The following TBC1D9 variants were observed in gnomAD, a reference collection of about 807,000 sequenced individuals.
The protein encoded by TBC1D9 is TBC1 domain family member 9A.
In TBC1D9, 63 loss-of-function variants were observed where a neutral mutation model predicts 132.0. The observed-to-expected ratio is 0.48, with a 90% CI of 0.39 to 0.59. TBC1D9 has a LOEUF of 0.59. Among genes scored for constraint, TBC1D9 ranks in the 20% least tolerant of loss-of-function variants. The probability of loss-of-function intolerance (pLI) is 0.00; values close to 1 mark genes in which losing one functional copy is unlikely to be tolerated. For missense variants in TBC1D9, 1,261 were observed against 1,592.7 expected, an observed-to-expected ratio of 0.79 and a Z score of 3.54; for synonymous variants, 610 against 609.9, an observed-to-expected ratio of 1.00 and a Z score of 0.00.
chr4:140,746,756 G>A (rs545077743), intron 1 of TBC1D9, among the ~76,000 whole-genome samples: 9 of 152,236 alleles, frequency 5.9e-5, no homozygotes, highest in East Asian at 3.9e-4. Flanking sequence ...GGGGGAAACC[G>A]CCCCCATGAT....
At chr4:140,634,410 G>C (rs552456029) in intron 15 of TBC1D9, among the ~76,000 whole-genome samples, 1 of 152,246 alleles carries the variant, frequency 6.6e-6, no homozygotes, top group South Asian at 2.1e-4. Flanking sequence ...TTTACATCTG[G>C]AAGGTCTGCT....
In TBC1D9 at chr4:140,669,020, C is replaced by T; in HGVS notation, c.1485G>A (p.Glu495=). The part of the protein sequence containing the change: ...KEQAWKIHFA[E]YGQGICMYRT... The stretch of plus-strand genomic sequence containing the variant: ...GGTACATGCAGATCCCTTGCCCATA[C>T]TCAGCAAAGTGAATCTTCCAGGCTT... Residue 495 remains glutamate, a synonymous_variant, in exon 9 of 21, where the codon GAG becomes GAA. Coordinates refer to ENST00000442267, the MANE Select transcript of TBC1D9 (RefSeq NM_015130.3). 1 of 1,614,038 alleles carries T rather than the reference C, an allele frequency of 6.2e-7. No homozygotes were observed. Among genetic ancestry groups the T allele is most frequent in the East Asian group, 2.2e-5 (1 of 44,886 alleles).
At chr4:140,755,436 A>G (rs1353051724) in intron 1 of TBC1D9, among the ~76,000 whole-genome samples, 3 of 152,216 alleles carry the variant, frequency 2.0e-5, no homozygotes, top group African/African-American at 4.8e-5. Context: ...GTCATAACTC[A>G]TATAGGAAAT....
intron 6 of TBC1D9, among the ~76,000 whole-genome samples, chr4:140,673,260 G>A (rs1737565978): frequency 6.6e-6 from 1 of 152,054 alleles, no homozygotes; most frequent in Admixed American, 6.5e-5. Flanking sequence ...AACATCTGTT[G>A]ACTGGGTCTA....
At chr4:140,653,708 A>G (rs930623772) in intron 13 of TBC1D9, among the ~76,000 whole-genome samples, 1 of 152,236 alleles carries the variant, frequency 6.6e-6, no homozygotes, top group Non-Finnish European at 1.5e-5. Flanking sequence ...CACTGGAAAC[A>G]TAAGCAGAGT....
intron 1 of TBC1D9, among the ~76,000 whole-genome samples, chr4:140,734,127 T>C (rs1738639278): frequency 6.6e-6 from 1 of 152,146 alleles, no homozygotes; most frequent in African/African-American, 2.4e-5. Flanking sequence ...GAGGATACTT[T>C]GCTTTTTGGA....
chr4:140,725,098 A>T (rs888375875), intron 1 of TBC1D9, among the ~76,000 whole-genome samples: 29 of 152,224 alleles, frequency 1.9e-4, no homozygotes, highest in Middle Eastern at 3.2e-3. Flanking sequence ...GCCAAATAAC[A>T]TATGTACACG....
intron 3 of TBC1D9, among the ~76,000 whole-genome samples, chr4:140,680,765 G>A (rs1737691974): frequency 6.6e-6 from 1 of 152,096 alleles, no homozygotes; most frequent in African/African-American, 2.4e-5. Flanking sequence ...TGTAGCCCAA[G>A]GATAGAAAAT....
chr4:140,674,320 C>T (rs971997066), intron 6 of TBC1D9, among the ~76,000 whole-genome samples: 3 of 152,142 alleles, frequency 2.0e-5, no homozygotes, highest in African/African-American at 7.2e-5. Context: ...GTTGACCCTA[C>T]GACAAGGAGA....
intron 1 of TBC1D9, among the ~76,000 whole-genome samples, chr4:140,744,896 A>G (rs1738814552): frequency 6.6e-6 from 1 of 151,100 alleles, no homozygotes; most frequent in South Asian, 2.1e-4. Flanking sequence ...AAAAAAAAAA[A>G]AAAAAAAAGA....
intron 1 of TBC1D9, among the ~76,000 whole-genome samples, chr4:140,722,878 C>T (rs1054046116): frequency 1.3e-5 from 2 of 152,120 alleles, no homozygotes; most frequent in Non-Finnish European, 2.9e-5. Flanking sequence ...GAGTTCTCCT[C>T]CCCATTGAGT....
chr4:140,659,792 C>G, intron 10 of TBC1D9, 87 bp from the exon 11 acceptor site: 2 of 888,770 alleles, frequency 2.3e-6, no homozygotes, highest in South Asian at 3.7e-5. Flanking sequence ...GTTATTCTCA[C>G]AAGGGCTGGC....
rs1337447021 is a variant in TBC1D9 at position 140,657,542 on chromosome 4, A to G, written c.2192T>C (p.Met731Thr). 2 of 1,613,612 alleles carry G rather than the reference A, an allele frequency of 1.2e-6. No homozygotes were observed. The highest frequency in any genetic ancestry group is 1.7e-6 in the Non-Finnish European group (2 of 1,179,662). Residue 731 changes from methionine to threonine, a missense_variant, in exon 12 of 21, where the codon ATG becomes ACG. Transcript: ENST00000442267. ...LLNCKDDGEA[M>T]TVLGRYLDSV... Reference sequence around the variant, plus strand: ...AGTACAATACCTTCCCAAAACGGTCATGGCCTCCCCATCATCCTTGCAGTT... The same window carrying G: ...AGTACAATACCTTCCCAAAACGGTCGTGGCCTCCCCATCATCCTTGCAGTT...
chr4:140,633,541 T>A (rs1287762056), intron 16 of TBC1D9, among the ~76,000 whole-genome samples: 1 of 152,226 alleles, frequency 6.6e-6, no homozygotes, highest in Non-Finnish European at 1.5e-5. Flanking sequence ...CATTTCATAA[T>A]GTTTTATGAA....
At chr4:140,658,482 A>G (rs1346878234) in intron 11 of TBC1D9, among the ~76,000 whole-genome samples, 1 of 152,156 alleles carries the variant, frequency 6.6e-6, no homozygotes, top group Non-Finnish European at 1.5e-5. Context: ...ACATCAACAC[A>G]TGACTACAGT....
chr4:140,656,206 T>A lies in TBC1D9; in HGVS notation c.2337+891A>T, dbSNP rs1447969556. Among the ~76,000 whole-genome samples the A allele has an allele frequency of 2.0e-5, 3 of 152,286 alleles. No homozygotes were observed. The South Asian group carries it at 6.2e-4, about 32-fold the overall frequency. Reference sequence around the variant, plus strand: ...TAGAAGGAAGCAGGTAAGCCTATAGTCTCAATGTTTTTATTCCCTCTAAAA... The same window carrying A: ...TAGAAGGAAGCAGGTAAGCCTATAGACTCAATGTTTTTATTCCCTCTAAAA... On this transcript the variant is annotated intron_variant, in intron 13 of 20. Transcript: ENST00000442267.
rs11939597 is a variant in TBC1D9, at chr4:140,643,431, G to C, written c.2338-4003C>G. 3.9e-3 allele frequency: 3,731 copies of C among 954,702 alleles called. 63 individuals carry two copies. In the African/African-American group the frequency reaches 0.047, roughly 12 times the overall value. 59.1% of individuals were successfully genotyped at this position (954,702 alleles called of 1,614,324 possible). ...GCCAGCCAGTGGGTCTTCCAGGCCG[G>C]GCAGGAACTGCTCAGAGCTTGCCTC... On this transcript the variant is annotated intron_variant, in intron 13 of 20. Coordinates refer to ENST00000442267, the MANE Select transcript of TBC1D9 (RefSeq NM_015130.3).
intron 9 of TBC1D9, among the ~76,000 whole-genome samples, chr4:140,665,170 C>T (rs1737424671): frequency 6.7e-6 from 1 of 148,876 alleles, no homozygotes; most frequent in South Asian, 2.1e-4. Context: ...AAACTACAAA[C>T]TCTTAGAAGA....
chr4:140,723,887 C>A (rs975096879), intron 1 of TBC1D9, among the ~76,000 whole-genome samples: 4 of 152,078 alleles, frequency 2.6e-5, no homozygotes, highest in African/African-American at 9.7e-5. Flanking sequence ...GGACTACAGG[C>A]GTGAACCACC....
Sources: gnomAD v4.1 joint callset for allele counts (sites outside exome capture counted in the v4.1 genomes callset) on GRCh38, gnomAD v4.1.1 for gene constraint, MANE v1.5 for transcripts, NCBI Gene and HGNC (gene_info 2026-07-23, HGNC 2026-07-21) for gene names.